The following C10orf90 variants were observed in gnomAD, a reference collection of about 807,000 sequenced individuals.
C10orf90 encodes chromosome 10 open reading frame 90.
A neutral mutation model predicts 62.5 loss-of-function variants in C10orf90; 56 were observed. That is an observed-to-expected ratio of 0.90 (90% CI 0.72 to 1.12). C10orf90 has a LOEUF of 1.12. Among genes scored for constraint, C10orf90 ranks in the 50% most tolerant of loss-of-function variants. The pLI is 0.00. For missense variants in C10orf90, 970 were observed against 880.4 expected (o/e 1.10, Z -1.29); for synonymous variants, 386 against 340.4 (o/e 1.13, Z -1.47).
At chr10:126,528,372 G>T (rs542740315) in intron 2 of C10orf90, among the ~76,000 whole-genome samples, 1 of 152,150 alleles carries the variant, frequency 6.6e-6, no homozygotes, top group Admixed American at 6.5e-5. Flanking sequence ...AAGGAGAAGC[G>T]TGTGTGGGAA....
chr10:126,425,301 G>A lies in C10orf90; in HGVS notation c.*563C>T, dbSNP rs1200236026. 1.3e-5 allele frequency: 2 copies of A among 152,760 alleles called. No homozygotes were observed. Among genetic ancestry groups the A allele is most frequent in the Admixed American group, 6.5e-5 (1 of 15,358 alleles). 9.5% of individuals were successfully genotyped at this position (152,760 alleles called of 1,614,324 possible). A position where few individuals can be genotyped will look rare whatever the true frequency, so the allele number is the denominator to read the frequency against. ...TGACTGCTCCAGGTCACAAAGAGAT[G>A]GGCTGATTGTTCCACAGCCTCGGGC... On this transcript the variant is annotated 3_prime_UTR_variant, in exon 10 of 10. Transcript: ENST00000488181.
chr10:126,588,117 T>C (rs2134024736), intron 2 of C10orf90, among the ~76,000 whole-genome samples: 1 of 152,340 alleles, frequency 6.6e-6, no homozygotes, highest in African/African-American at 2.4e-5. Flanking sequence ...GCTGCCATAC[T>C]GCTATATCTG....
chr10:126,630,453 C>T (rs982190994), intron 2 of C10orf90, among the ~76,000 whole-genome samples: 2 of 152,056 alleles, frequency 1.3e-5, no homozygotes, highest in African/African-American at 4.8e-5. Flanking sequence ...GGGTCCTGGG[C>T]TTGGCGATGG....
At chr10:126,638,944 C>G (rs1232669254) in intron 2 of C10orf90, among the ~76,000 whole-genome samples, 1 of 152,232 alleles carries the variant, frequency 6.6e-6, no homozygotes, top group Non-Finnish European at 1.5e-5. Flanking sequence ...CAATCCTTCC[C>G]TCACCACCAG....
At chr10:126,519,051 C>G (rs1863598941) in intron 2 of C10orf90, among the ~76,000 whole-genome samples, 1 of 152,106 alleles carries the variant, frequency 6.6e-6, no homozygotes. Context: ...TTTGCTATCC[C>G]CAGCCTTGAT....
At chr10:126,535,387 G>T (rs1241243527) in intron 2 of C10orf90, among the ~76,000 whole-genome samples, 1 of 151,870 alleles carries the variant, frequency 6.6e-6, no homozygotes, top group Non-Finnish European at 1.5e-5. Flanking sequence ...TGTGGTGGCG[G>T]GTGCCTGTAG....
chr10:126,435,920 G>A (rs74933179), intron 7 of C10orf90, among the ~76,000 whole-genome samples: 308 of 152,146 alleles, frequency 2.0e-3, no homozygotes, highest in African/African-American at 7.3e-3. Context: ...TTTCCCACTT[G>A]CACTCCATCC....
At chr10:126,582,379 CG>C (rs1844770953) in intron 2 of C10orf90, among the ~76,000 whole-genome samples, 1 of 152,182 alleles carries the variant, frequency 6.6e-6, no homozygotes, top group Non-Finnish European at 1.5e-5. Context: ...TGGATCTCTA[CG>C]GTTTCTTTTA....
chr10:126,625,661 G>T (rs143264057), intron 2 of C10orf90, among the ~76,000 whole-genome samples: 427 of 152,310 alleles, frequency 2.8e-3, no homozygotes, highest in African/African-American at 9.6e-3. Flanking sequence ...TTTTCTAAAG[G>T]TATCAAGGCC....
chr10:126,602,758 C>CTTT (rs150624987), intron 2 of C10orf90, among the ~76,000 whole-genome samples: 35 of 130,704 alleles, frequency 2.7e-4, no homozygotes, highest in Admixed American at 5.4e-4. Context: ...GGGTTTTGGG[C>CTTT]TTTTTTTTTT....
chr10:126,445,807 A>ATG (rs1858733249), intron 7 of C10orf90, among the ~76,000 whole-genome samples: 1 of 107,586 alleles, frequency 9.3e-6, no homozygotes, highest in Admixed American at 9.3e-5. Flanking sequence ...ACTGTGGTGT[A>ATG]TATATATATA....
chr10:126,429,972 T>C, intron 7 of C10orf90, 122 bp from the exon 8 acceptor site: 1 of 856,438 alleles, frequency 1.2e-6, no homozygotes, highest in Non-Finnish European at 1.9e-6. Context: ...ATCCTGAGTC[T>C]AAGCAGAACT....
chr10:126,625,161 C>A lies in C10orf90; in HGVS notation c.313+21404G>T, dbSNP rs561619136. 1.8e-4 allele frequency among the ~76,000 whole-genome samples: 28 copies of A among 152,274 alleles called. 1 individual carries two copies. The highest frequency in any genetic ancestry group is 6.7e-4 in the African/African-American group (28 of 41,564). Reference sequence around the variant, plus strand: ...GCAATTGTACCTAAGCAGACACTCACGTGCCATTTCCCCCGTCAGCCTCAA... The same window carrying A: ...GCAATTGTACCTAAGCAGACACTCAAGTGCCATTTCCCCCGTCAGCCTCAA... On this transcript the variant is annotated intron_variant, in intron 2 of 9. Coordinates refer to ENST00000488181, the MANE Select transcript of C10orf90 (RefSeq NM_001350921.2).
rs952098009 is a variant in C10orf90, at chr10:126,425,794, G to A, written c.*70C>T. The A allele has an allele frequency of 6.7e-7, 1 of 1,482,596 alleles. No individual in the cohort carries two copies. Among genetic ancestry groups the A allele is most frequent in the African/African-American group, 1.4e-5 (1 of 70,684 alleles). 91.8% of individuals were successfully genotyped at this position (1,482,596 alleles called of 1,614,324 possible). On this transcript the variant is annotated 3_prime_UTR_variant, in exon 10 of 10. Coordinates refer to ENST00000488181, the MANE Select transcript of C10orf90 (RefSeq NM_001350921.2). ...TTTCCCATGATGAAGATAATGCTAA[G>A]TTTAATGGCTTATCCAGCATTCGAA... is the stretch of plus-strand genomic sequence containing the variant.
intron 2 of C10orf90, among the ~76,000 whole-genome samples, chr10:126,561,807 G>A (rs754580681): frequency 2.6e-5 from 4 of 152,244 alleles, no homozygotes; most frequent in Admixed American, 6.5e-5. Context: ...CCCGGGCCCC[G>A]GGTGGCCTGC....
chr10:126,513,501 G>GTTCTAACAA (rs1235234462), intron 3 of C10orf90, among the ~76,000 whole-genome samples: 1 of 152,098 alleles, frequency 6.6e-6, no homozygotes, highest in Non-Finnish European at 1.5e-5. Flanking sequence ...ACTTTTTGCA[G>GTTCTAACAA]TTCTAACAAC....
At chr10:126,459,354 G>T (rs1319801369) in intron 6 of C10orf90, 137 bp from the exon 7 acceptor site, 3 of 921,966 alleles carry the variant, frequency 3.3e-6, no homozygotes, top group Middle Eastern at 2.1e-4. Flanking sequence ...AGTACGTCAC[G>T]CTTTTCTTGC....
In C10orf90 at chr10:126,565,349, A is replaced by AATATATATTATTTTATATAATAAT. The variant is rs1554917312; in HGVS notation, c.314-51411_314-51410insATTATTATATAAAATAATATATAT. On this transcript the variant is annotated intron_variant, in intron 2 of 9. Coordinates refer to ENST00000488181, the MANE Select transcript of C10orf90 (RefSeq NM_001350921.2). ...TATATTTATATTATATATAATATAT[A>AATATATATTATTTTATATAATAAT]ATATATAATATATATTATTTTATAT... Among the ~76,000 whole-genome samples the AATATATATTATTTTATATAATAAT allele has an allele frequency of 1.9e-4, 12 of 63,778 alleles. No homozygotes were observed. In the East Asian group the frequency reaches 4.1e-3, roughly 22 times the overall value. 41.8% of individuals were successfully genotyped at this position (63,778 alleles called of 152,430 possible). A position where few individuals can be genotyped will look rare whatever the true frequency, so the allele number is the denominator to read the frequency against.
chr10:126,495,336 C>A (rs7080706), intron 4 of C10orf90, among the ~76,000 whole-genome samples: 78,580 of 151,890 alleles, frequency 0.52, 20,762 homozygotes, highest in South Asian at 0.63. Context: ...GTTTTGAAAA[C>A]GTACCCCACC....
Sources: allele counts gnomAD v4.1 joint callset (sites outside exome capture counted in the v4.1 genomes callset), GRCh38; gene constraint gnomAD v4.1.1; transcripts MANE v1.5; gene names NCBI Gene and HGNC (gene_info 2026-07-23, HGNC 2026-07-21).